ARHGAP42: variants seen among roughly 807,000 people sequenced by gnomAD.
ARHGAP42 encodes the protein Rho GTPase activating protein 42.
In ARHGAP42, 63 loss-of-function variants were observed where a neutral mutation model predicts 125.0. That is an observed-to-expected ratio of 0.50 (90% CI 0.41 to 0.62). ARHGAP42 has a LOEUF of 0.62. Ranked by LOEUF, ARHGAP42 falls within the 20% of genes least tolerant of loss-of-function variation. The pLI is 0.00. For synonymous variants in ARHGAP42, 339 were observed against 351.0 expected, an observed-to-expected ratio of 0.97 and a Z score of 0.38; for missense variants, 766 against 1,024.2, an observed-to-expected ratio of 0.75 and a Z score of 3.44.
intron 2 of ARHGAP42, among the ~76,000 whole-genome samples, chr11:100,787,149 G>A (rs1249687922): frequency 6.6e-6 from 1 of 151,828 alleles, no homozygotes. Context: ...ATGGTGGTGG[G>A]CGCCTGTAGT....
chr11:100,759,560 A>C (rs1862656101), intron 1 of ARHGAP42, among the ~76,000 whole-genome samples: 1 of 152,170 alleles, frequency 6.6e-6, no homozygotes. Flanking sequence ...ATTTAGACAC[A>C]AAGAAGTATA....
chr11:100,776,691 C>T (rs147406302), intron 2 of ARHGAP42, among the ~76,000 whole-genome samples: 2,223 of 152,144 alleles, frequency 0.015, 61 homozygotes, highest in African/African-American at 0.051. Context: ...TAATAGTTAG[C>T]ATCGGCCGGG....
intron 1 of ARHGAP42, among the ~76,000 whole-genome samples, chr11:100,704,758 A>G (rs548182711): frequency 6.6e-6 from 1 of 152,032 alleles, no homozygotes; most frequent in African/African-American, 2.4e-5. Context: ...TAGGAGTTGG[A>G]GACCAGCCTG....
Position 100,687,481 on chromosome 11 carries a change from A to G in ARHGAP42, c.-198A>G, listed in dbSNP as rs922309625. Among the ~76,000 whole-genome samples, 5 of 151,680 alleles carry G rather than the reference A, an allele frequency of 3.3e-5. No homozygotes were observed. The highest frequency in any genetic ancestry group is 6.6e-5 in the Admixed American group (1 of 15,234). ...CCGCCGCCCGCGCCTGCGCTCGCCT[A>G]GCCTCGGGGGAGGAAGACTGAGCCC... is the stretch of plus-strand genomic sequence containing the variant. On this transcript the variant is annotated 5_prime_UTR_variant, in exon 1 of 24. Coordinates refer to ENST00000298815, the MANE Select transcript of ARHGAP42 (RefSeq NM_152432.4).
At chr11:100,806,103 C>G (rs1773347514) in intron 3 of ARHGAP42, among the ~76,000 whole-genome samples, 1 of 152,148 alleles carries the variant, frequency 6.6e-6, no homozygotes, top group African/African-American at 2.4e-5. Flanking sequence ...TCATATATTT[C>G]TATGAAAACT....
intron 1 of ARHGAP42, among the ~76,000 whole-genome samples, chr11:100,721,731 C>T (rs1283351181): frequency 1.3e-5 from 2 of 152,162 alleles, no homozygotes; most frequent in Non-Finnish European, 2.9e-5. Flanking sequence ...ACCTTGGCCC[C>T]TCAAAGTGCT....
intron 1 of ARHGAP42, among the ~76,000 whole-genome samples, chr11:100,733,138 G>A (rs756519282): frequency 3.0e-4 from 46 of 152,320 alleles, no homozygotes; most frequent in Middle Eastern, 3.4e-3. Context: ...CTGTAGTTCA[G>A]CTGCTAGATT....
intron 4 of ARHGAP42, among the ~76,000 whole-genome samples, chr11:100,902,784 A>T (rs538231101): frequency 4.2e-4 from 64 of 152,258 alleles, no homozygotes; most frequent in Middle Eastern, 3.4e-3. Context: ...CAATGGATGG[A>T]GTACTGCACT....
At chr11:100,838,475 G>A (rs1163908461) in intron 3 of ARHGAP42, among the ~76,000 whole-genome samples, 1 of 152,028 alleles carries the variant, frequency 6.6e-6, no homozygotes, top group African/African-American at 2.4e-5. Context: ...GGGAGGCTGA[G>A]GCAGGAGAAT....
At chr11:100,765,982 T>A (rs1024940176) in intron 1 of ARHGAP42, among the ~76,000 whole-genome samples, 11 of 152,220 alleles carry the variant, frequency 7.2e-5, no homozygotes, top group Non-Finnish European at 4.4e-5. Context: ...TAAGTCTATG[T>A]GCAAGAAAAG....
chr11:100,870,364 T>G (rs1466577736), intron 4 of ARHGAP42, among the ~76,000 whole-genome samples: 2 of 152,206 alleles, frequency 1.3e-5, no homozygotes, highest in African/African-American at 4.8e-5. Flanking sequence ...GTGGTGTTCT[T>G]GGTTTAAGAG....
At chr11:100,979,109 T>C in intron 22 of ARHGAP42, 60 bp downstream of exon 22, 1 of 1,484,868 alleles carries the variant, frequency 6.7e-7, no homozygotes, top group East Asian at 2.5e-5. Context: ...TTGCTTTGTA[T>C]TGACATGACA....
intron 4 of ARHGAP42, among the ~76,000 whole-genome samples, chr11:100,894,579 A>C (rs1866296679): frequency 6.6e-6 from 1 of 152,182 alleles, no homozygotes; most frequent in Non-Finnish European, 1.5e-5. Context: ...CAGCACTACC[A>C]CCCAGCCTTC....
chr11:100,762,018 G>A lies in ARHGAP42; in HGVS notation c.155-8325G>A, dbSNP rs74337950. ...GGATTGGCATCCATGTCTCTCTGAC[G>A]CTTGTGCAGACGTAGTCTGTGACAT... On this transcript the variant is annotated intron_variant, in intron 1 of 23. Coordinates refer to ENST00000298815, the MANE Select transcript of ARHGAP42 (RefSeq NM_152432.4). Among the ~76,000 whole-genome samples the A allele has an allele frequency of 6.2e-3, 948 of 152,272 alleles. 3 individuals carry two copies. Among genetic ancestry groups the A allele is most frequent in the African/African-American group, 0.021 (874 of 41,534 alleles).
chr11:100,934,477 G>A (rs1298650841), intron 7 of ARHGAP42, among the ~76,000 whole-genome samples: 1 of 152,060 alleles, frequency 6.6e-6, no homozygotes, highest in East Asian at 1.9e-4. Context: ...AATTTATTTT[G>A]TAAAGTTGTC....
chr11:100,969,087 C>A (rs1236080407), intron 17 of ARHGAP42, among the ~76,000 whole-genome samples: 1 of 151,984 alleles, frequency 6.6e-6, no homozygotes, highest in Non-Finnish European at 1.5e-5. Flanking sequence ...CCTGAAAATG[C>A]CTTTATTTCA....
chr11:100,711,408 G>A (rs1378456057), intron 1 of ARHGAP42, among the ~76,000 whole-genome samples: 3 of 152,314 alleles, frequency 2.0e-5, no homozygotes, highest in South Asian at 2.1e-4. Context: ...ATGCTGGAGT[G>A]CAGTGGTGAG....
intron 1 of ARHGAP42, among the ~76,000 whole-genome samples, chr11:100,713,173 G>A (rs1268268744): frequency 6.6e-6 from 1 of 152,186 alleles, no homozygotes; most frequent in East Asian, 1.9e-4. Context: ...TTCTGGCACA[G>A]GTTTAAGTAG....
At chr11:100,697,925 T>G (rs1861314926) in intron 1 of ARHGAP42, among the ~76,000 whole-genome samples, 1 of 152,224 alleles carries the variant, frequency 6.6e-6, no homozygotes, top group Admixed American at 6.5e-5. Context: ...ATTTACATAT[T>G]ATGGTTTTGG....
Sources: allele counts gnomAD v4.1 joint callset (sites outside exome capture counted in the v4.1 genomes callset), GRCh38; gene constraint gnomAD v4.1.1; transcripts MANE v1.5; gene names NCBI Gene and HGNC (gene_info 2026-07-23, HGNC 2026-07-21).